Variants in RPS18 observed in about 807,000 individuals in gnomAD.
RPS18 encodes small ribosomal subunit protein uS13.
For synonymous variants in RPS18, 64 were observed against 70.9 expected, an observed-to-expected ratio of 0.90 and a Z score of 0.49; for missense variants, 49 against 200.8, an observed-to-expected ratio of 0.24 and a Z score of 4.57.
At chr6:33,272,182 C>A in intron 1 of RPS18, 60 bp downstream of exon 1, 3 of 1,546,358 alleles carry the variant, frequency 1.9e-6, no homozygotes, top group Non-Finnish European at 2.6e-6. Context: ...GGAAAGCCGG[C>A]TGTCAGGGTT....
chr6:33,273,876 T>G (rs1765451985), intron 2 of RPS18, among the ~76,000 whole-genome samples: 1 of 141,074 alleles, frequency 7.1e-6, no homozygotes, highest in Admixed American at 7.2e-5. Flanking sequence ...CTGGTCAACA[T>G]GGTGAAACCT....
In RPS18 at chr6:33,274,220, A is replaced by T. The variant is rs1484231141; in HGVS notation, c.102+1494A>T. The stretch of plus-strand genomic sequence containing the variant: ...GGCGTGAGCCACTGCACCCAGCCAC[A>T]TTTATTTTTTGAGACTGTCGCCCAG... On this transcript the variant is annotated intron_variant, in intron 2 of 5. Transcript: ENST00000439602. Among the ~76,000 whole-genome samples, 3 of 152,206 alleles carry T rather than the reference A, an allele frequency of 2.0e-5. 1 individual carries two copies. Among genetic ancestry groups the T allele is most frequent in the African/African-American group, 7.2e-5 (3 of 41,448 alleles).
intron 1 of RPS18, 44 bp downstream of exon 1, chr6:33,272,166 G>A (rs1355133079): frequency 1.3e-6 from 2 of 1,553,768 alleles, no homozygotes; most frequent in South Asian, 1.2e-5. Flanking sequence ...ATCGCAGCTC[G>A]GGCAAGGAAA....
chr6:33,275,542 TC>T (rs1418354415), intron 2 of RPS18: 2 of 516,626 alleles, frequency 3.9e-6, no homozygotes, highest in Non-Finnish European at 7.0e-6. Context: ...GGTTTTGAAC[TC>T]CTGCCCTCAA....
At position 33,272,084 on chromosome 6, in the gene RPS18, A is replaced by C. The variant is rs757124077; in HGVS notation, c.-36A>C. 2 of 1,563,390 alleles carry C rather than the reference A, an allele frequency of 1.3e-6. No homozygotes were observed. Among genetic ancestry groups the C allele is most frequent in the South Asian group, 1.2e-5 (1 of 84,984 alleles). On this transcript the variant is annotated 5_prime_UTR_variant, in exon 1 of 6. Coordinates refer to ENST00000439602, the MANE Select transcript of RPS18 (RefSeq NM_022551.3). ...TCGCGTCACTTCCGCTCTCTCTTCC[A>C]CAGGAGGCCTACACGCCGCCGCTTG...
At chr6:33,272,798 G>C in intron 2 of RPS18, 72 bp downstream of exon 2, 1 of 815,424 alleles carries the variant, frequency 1.2e-6, no homozygotes, top group South Asian at 1.3e-5. Context: ...CAAAAATGAA[G>C]CAAGGCTGGG....
chr6:33,274,548 C>T (rs1765501225), intron 2 of RPS18, among the ~76,000 whole-genome samples: 1 of 152,218 alleles, frequency 6.6e-6, no homozygotes. Context: ...CCTACTGTAA[C>T]AAGTTCATAT....
chr6:33,272,409 T>G (rs1300450506), intron 1 of RPS18: 2 of 608,150 alleles, frequency 3.3e-6, no homozygotes, highest in Non-Finnish European at 5.9e-6. Context: ...GCTTCCTCTC[T>G]CCAGAGGTTG....
chr6:33,273,177 G>A (rs1395138425), intron 2 of RPS18, among the ~76,000 whole-genome samples: 1 of 152,202 alleles, frequency 6.6e-6, no homozygotes, highest in Non-Finnish European at 1.5e-5. Context: ...GAAGAAGCCT[G>A]TAGATGGAGG....
chr6:33,272,243 A>G (rs1581640907), intron 1 of RPS18, 121 bp downstream of exon 1: 1 of 1,144,686 alleles, frequency 8.7e-7, no homozygotes. Context: ...GGAGCCTTGG[A>G]TCGCGTCCCT....
Position 33,275,949 on chromosome 6 carries a change from T to A in RPS18, c.190-16T>A, listed in dbSNP as rs777321974. 8.1e-6 allele frequency: 13 copies of A among 1,612,862 alleles called. No individual in the cohort carries two copies. The highest frequency in any genetic ancestry group is 3.3e-5 in the Admixed American group (2 of 60,002). ...GAAAGGGGTCCATCTAGATCTGACC[T>A]TGGTCTGCCTGCCAGGTGGAACGTG... On this transcript the variant is annotated splice_polypyrimidine_tract_variant and intron_variant, in intron 3 of 5. Transcript: ENST00000439602.
chr6:33,276,320 T>C, intron 5 of RPS18, 53 bp downstream of exon 5: 1 of 1,604,768 alleles, frequency 6.2e-7, no homozygotes, highest in Non-Finnish European at 8.5e-7. Flanking sequence ...TTCCTCCTAC[T>C]CGCTCTTCTT....
At position 33,272,100 on chromosome 6, in the gene RPS18, C is replaced by T. The variant is rs1048594523; in HGVS notation, c.-20C>T. The T allele has an allele frequency of 1.9e-5, 29 of 1,566,490 alleles. No individual in the cohort carries two copies. Among genetic ancestry groups the T allele is most frequent in the Non-Finnish European group, 2.3e-5 (27 of 1,155,532 alleles). ...CTCTCTTCCACAGGAGGCCTACACG[C>T]CGCCGCTTGTGCTGCAGCCATGGTA... On this transcript the variant is annotated 5_prime_UTR_variant, in exon 1 of 6. Coordinates refer to ENST00000439602, the MANE Select transcript of RPS18 (RefSeq NM_022551.3).
Position 33,272,446 on chromosome 6 carries a change from G to T in RPS18, c.4-182G>T, listed in dbSNP as rs139377426. On this transcript the variant is annotated intron_variant, in intron 1 of 5. Coordinates refer to ENST00000439602, the MANE Select transcript of RPS18 (RefSeq NM_022551.3). Reference sequence around the variant, plus strand: ...ATTTTCCCAAGCTTGAACGCTTCATGTGCCTACTCTGCAGGACTGAGGAGT... The same window carrying T: ...ATTTTCCCAAGCTTGAACGCTTCATTTGCCTACTCTGCAGGACTGAGGAGT... The T allele has an allele frequency of 1.8e-3, 1,118 of 636,620 alleles. 3 individuals are homozygous for T. The highest frequency in any genetic ancestry group is 5.6e-3 in the African/African-American group (308 of 55,378). 39.4% of individuals were successfully genotyped at this position (636,620 alleles called of 1,614,324 possible).
chr6:33,275,644 T>G, intron 2 of RPS18, 153 bp from the exon 3 acceptor site: 1 of 701,122 alleles, frequency 1.4e-6, no homozygotes, highest in Non-Finnish European at 2.6e-6. Context: ...GTCGAACGGT[T>G]TATATCTGGA....
chr6:33,274,131 T>C (rs1407749811), intron 2 of RPS18, among the ~76,000 whole-genome samples: 1 of 152,188 alleles, frequency 6.6e-6, no homozygotes, highest in African/African-American at 2.4e-5. Flanking sequence ...TTGGTCAAAC[T>C]GGTCTTAAAC....
chr6:33,273,981 A>G (rs1581646987), intron 2 of RPS18, among the ~76,000 whole-genome samples: 1 of 152,324 alleles, frequency 6.6e-6, no homozygotes, highest in Non-Finnish European at 1.5e-5. Flanking sequence ...ATCCCGAGAC[A>G]GAGTCTCACC....
Position 33,272,130 on chromosome 6 carries a change from T to C in RPS18, c.3+8T>C, listed in dbSNP as rs1765224399. 1.3e-6 allele frequency: 2 copies of C among 1,564,834 alleles called. No individual in the cohort carries two copies. Among genetic ancestry groups the C allele is most frequent in the East Asian group, 2.4e-5 (1 of 42,170 alleles). On this transcript the variant is annotated splice_region_variant and intron_variant, in intron 1 of 5. Coordinates refer to ENST00000439602, the MANE Select transcript of RPS18 (RefSeq NM_022551.3). ...GCTTGTGCTGCAGCCATGGTAAGAC[T>C]GGAATCCGTGCCGTGATCCAGCGGC...
chr6:33,273,018 G>A (rs1369767738), intron 2 of RPS18, among the ~76,000 whole-genome samples: 3 of 152,224 alleles, frequency 2.0e-5, no homozygotes, highest in Non-Finnish European at 4.4e-5. Context: ...CCTGAACCAC[G>A]AGCTTGTGAG....
Sources: gnomAD v4.1 joint callset for allele counts (sites outside exome capture counted in the v4.1 genomes callset) on GRCh38, gnomAD v4.1.1 for gene constraint, MANE v1.5 for transcripts, NCBI Gene and HGNC (gene_info 2026-07-23, HGNC 2026-07-21) for gene names.